ZNF708: variants seen among roughly 807,000 people sequenced by gnomAD.
ZNF708 encodes the protein zinc finger protein 708, also known as ZNF15, ZNF15L1.
Under a neutral mutation model 47.0 loss-of-function variants are expected in ZNF708, and 44 were observed. That is an observed-to-expected ratio of 0.94 (90% CI 0.74 to 1.20). The LOEUF is 1.20. Among genes scored for constraint, ZNF708 ranks in the 50% most tolerant of loss-of-function variants. ZNF708 has a pLI of 0.00. For synonymous variants in ZNF708, 184 were observed against 218.5 expected (o/e 0.84, Z 1.39); for missense variants, 557 against 656.0 (o/e 0.85, Z 1.65).
At chr19:21,318,275 C>G (rs1973056106) in intron 1 of ZNF708, 1 of 152,172 alleles carries the variant, frequency 6.6e-6, no homozygotes, top group Non-Finnish European at 1.5e-5. Flanking sequence ...GAAAAAAATA[C>G]TGCTGGATTT....
intron 1 of ZNF708, among the ~76,000 whole-genome samples, chr19:21,317,856 G>A (rs1469136771): frequency 6.6e-6 from 1 of 152,200 alleles, no homozygotes; most frequent in Non-Finnish European, 1.5e-5. Flanking sequence ...CATGACAGGA[G>A]GTAGTTTTGC....
intron 1 of ZNF708, among the ~76,000 whole-genome samples, chr19:21,328,317 T>G (rs1285632072): frequency 1.3e-5 from 2 of 152,192 alleles, no homozygotes; most frequent in Admixed American, 6.5e-5. Flanking sequence ...AAAAAATGAT[T>G]AACTAAAATA....
chr19:21,326,980 C>CA (rs1973268811), intron 1 of ZNF708, among the ~76,000 whole-genome samples: 2 of 151,560 alleles, frequency 1.3e-5, no homozygotes, highest in Admixed American at 6.6e-5. Flanking sequence ...TATATATTCA[C>CA]AAAAAATACA....
chr19:21,296,639 C>T (rs1055037032), intron 3 of ZNF708, among the ~76,000 whole-genome samples: 1 of 151,338 alleles, frequency 6.6e-6, no homozygotes, highest in Non-Finnish European at 1.5e-5. Flanking sequence ...AGGAGTTCAT[C>T]CCACTGAAAA....
rs8100369 is a variant in ZNF708 at position 21,293,958 on chromosome 19, G to A, written c.1008C>T (p.Tyr336=). The A allele has an allele frequency of 1.7e-3, 2,728 of 1,613,540 alleles. 60 individuals are homozygous for A. The African/African-American group carries it at 0.033, about 20-fold the overall frequency. ...AAGCTTTGCCACATTCTTCACATTT[G>A]TAGGGTTTCTCACCAGTATGAATCC... ...HKRIHTGEKP[Y]KCEECGKAFS... is the part of the protein sequence containing the mutation. The change falls in exon 4 of 4, where the codon TAC becomes TAT. Residue 336 remains tyrosine (Y), a synonymous_variant. Transcript: ENST00000356929.
At chr19:21,324,131 C>A (rs1033811581) in intron 1 of ZNF708, among the ~76,000 whole-genome samples, 7 of 151,916 alleles carry the variant, frequency 4.6e-5, no homozygotes, top group African/African-American at 1.7e-4. Flanking sequence ...GTAGTCCCTG[C>A]TACTGGGTAG....
chr19:21,323,018 T>C (rs1057467117), intron 1 of ZNF708, among the ~76,000 whole-genome samples: 4 of 152,068 alleles, frequency 2.6e-5, no homozygotes, highest in Admixed American at 2.6e-4. Flanking sequence ...GCAAATACTG[T>C]AGTTATATTT....
chr19:21,293,771 T>C lies in ZNF708; in HGVS notation c.1195A>G (p.Lys399Glu). The change falls in exon 4 of 4, where the codon AAA becomes GAA. Residue 399 changes from lysine to glutamate, a missense_variant. By Grantham distance (56) the Lys-to-Glu change is moderately conservative (BLOSUM62 1). Coordinates refer to ENST00000356929, the MANE Select transcript of ZNF708 (RefSeq NM_021269.3). ...AGAGTTGAGGACTTGGTAAAGGCTT[T>C]ACCACATTCTTCACATTTGTAGGGT... is the stretch of plus-strand genomic sequence containing the variant. Reference protein sequence around the residue: ...EKPYKCEECGKAFTKSSTLTY... With the variant: ...EKPYKCEECGEAFTKSSTLTY... 2 of 1,613,760 alleles carry C rather than the reference T, an allele frequency of 1.2e-6. No individual in the cohort carries two copies. The highest frequency in any genetic ancestry group is 3.3e-4 in the Middle Eastern group (2 of 6,060).
chr19:21,299,422 T>C (rs1020285406), intron 3 of ZNF708, among the ~76,000 whole-genome samples: 5 of 152,046 alleles, frequency 3.3e-5, no homozygotes, highest in African/African-American at 1.2e-4. Context: ...TGCATACCAA[T>C]ATAAATATAA....
At chr19:21,312,054 G>A (rs1195228444) in intron 1 of ZNF708, among the ~76,000 whole-genome samples, 1 of 152,164 alleles carries the variant, frequency 6.6e-6, no homozygotes, top group Middle Eastern at 3.4e-3. Context: ...CAGCACTTTG[G>A]GGGGCCAAGG....
intron 3 of ZNF708, among the ~76,000 whole-genome samples, chr19:21,296,009 CAT>C (rs1972519969): frequency 6.6e-6 from 1 of 151,708 alleles, no homozygotes; most frequent in African/African-American, 2.4e-5. Context: ...TCTCAAAAAA[CAT>C]AAATTAGGAA....
intron 1 of ZNF708, among the ~76,000 whole-genome samples, chr19:21,315,688 G>T (rs1762577): frequency 0.014 from 2,170 of 152,218 alleles, 58 homozygotes; most frequent in African/African-American, 0.046. Context: ...ATACAAAGTT[G>T]TCTGTCAACA....
intron 1 of ZNF708, among the ~76,000 whole-genome samples, chr19:21,316,353 C>T (rs905069560): frequency 8.6e-5 from 13 of 151,594 alleles, no homozygotes; most frequent in African/African-American, 1.7e-4. Flanking sequence ...CTCGAACTCC[C>T]GACCTCAGGT....
intron 3 of ZNF708, among the ~76,000 whole-genome samples, chr19:21,299,656 C>T (rs559957383): frequency 1.1e-3 from 159 of 151,394 alleles, no homozygotes; most frequent in African/African-American, 3.7e-3. Flanking sequence ...ACCTGTAATC[C>T]CAGCTACTCA....
intron 1 of ZNF708, among the ~76,000 whole-genome samples, chr19:21,324,224 C>T (rs369830001): frequency 9.3e-5 from 14 of 149,742 alleles, no homozygotes; most frequent in African/African-American, 3.2e-4. Flanking sequence ...AGCCTGGCTA[C>T]AGAGCAAGAC....
Position 21,293,591 on chromosome 19 carries a change from A to T in ZNF708, c.1375T>A (p.Tyr459Asn). The part of the protein sequence containing the change: ...KCEECGKTFN[Y>N]SSNFTNHKKI... ...TTATGATTAGTAAAATTTGAGGAGT[A>T]GTTAAAAGTTTTGCCACATTCTTCA... Residue 459 changes from tyrosine (Y) to asparagine (N), a missense_variant, in exon 4 of 4, where the codon TAC becomes AAC. Physicochemically the swap from Tyr to Asn is moderately radical, Grantham distance 143. Coordinates refer to ENST00000356929, the MANE Select transcript of ZNF708 (RefSeq NM_021269.3). The T allele has an allele frequency of 6.2e-7, 1 of 1,611,490 alleles. No individual in the cohort carries two copies. Among genetic ancestry groups the T allele is most frequent in the East Asian group, 2.2e-5 (1 of 44,700 alleles).
intron 1 of ZNF708, among the ~76,000 whole-genome samples, chr19:21,323,517 A>G (rs1973194951): frequency 6.6e-6 from 1 of 152,192 alleles, no homozygotes; most frequent in Admixed American, 6.5e-5. Flanking sequence ...CTCCTTAGGA[A>G]AGGAAGCCTT....
chr19:21,322,646 A>G (rs1973176398), intron 1 of ZNF708, among the ~76,000 whole-genome samples: 2 of 152,200 alleles, frequency 1.3e-5, no homozygotes. Context: ...TCACCCTGGG[A>G]GAACTGAAAT....
chr19:21,325,952 A>G (rs1973247894), intron 1 of ZNF708, among the ~76,000 whole-genome samples: 1 of 152,202 alleles, frequency 6.6e-6, no homozygotes, highest in Non-Finnish European at 1.5e-5. Flanking sequence ...GCCAACAAAC[A>G]TATGAAAAAA....
Sources: allele counts gnomAD v4.1 joint callset (sites outside exome capture counted in the v4.1 genomes callset), GRCh38; gene constraint gnomAD v4.1.1; transcripts MANE v1.5; gene names NCBI Gene and HGNC (gene_info 2026-07-23, HGNC 2026-07-21).